TCF7L2: variants seen among roughly 807,000 people sequenced by gnomAD.
TCF7L2 encodes transcription factor 7-like 2.
Under a neutral mutation model 77.9 loss-of-function variants are expected in TCF7L2, and 23 were observed. The ratio of observed to expected loss-of-function variants is 0.30; its 90% CI spans 0.21 to 0.42. The LOEUF (loss-of-function observed/expected upper bound fraction) is 0.42. Among genes scored for constraint, TCF7L2 ranks in the 10% least tolerant of loss-of-function variants. The pLI is 1.00. For synonymous variants in TCF7L2, 413 were observed against 340.2 expected, an observed-to-expected ratio of 1.21 and a Z score of -2.36; for missense variants, 654 against 793.1, an observed-to-expected ratio of 0.82 and a Z score of 2.11.
rs1344558202 is a variant in TCF7L2, at chr10:113,152,368, C to T, written c.1197C>T (p.Tyr399=). The change falls in exon 11 of 14, where the codon TAC becomes TAT. Residue 399 remains tyrosine, a synonymous_variant. Transcript: ENST00000627217. ...TGTCCAGAGAAGAGCAAGCGAAATA[C>T]TACGAGCTGGCCCGGAAGGAGCGAC... The T allele has an allele frequency of 6.2e-7, 1 of 1,614,238 alleles. No individual in the cohort carries two copies. Among genetic ancestry groups the T allele is most frequent in the South Asian group, 1.1e-5 (1 of 91,090 alleles).
intron 5 of TCF7L2, among the ~76,000 whole-genome samples, chr10:113,109,687 G>T (rs1031818385): frequency 2.6e-5 from 4 of 152,182 alleles, no homozygotes; most frequent in Non-Finnish European, 5.9e-5. Context: ...CACTGTGCTG[G>T]CTGGGTGTGG....
At chr10:113,125,766 T>C (rs1029407723) in intron 5 of TCF7L2, 2 of 151,154 alleles carry the variant, frequency 1.3e-5, no homozygotes, top group Admixed American at 6.6e-5. Context: ...TTAAAGTCTA[T>C]AGCAAAAAGC....
chr10:112,993,313 C>T (rs1319531476), intron 4 of TCF7L2, among the ~76,000 whole-genome samples: 3 of 151,436 alleles, frequency 2.0e-5, no homozygotes, highest in Non-Finnish European at 4.4e-5. Context: ...TGAGGTCAGC[C>T]TGGCCAACAT....
chr10:113,051,956 G>A (rs147934399), intron 5 of TCF7L2, among the ~76,000 whole-genome samples: 61 of 152,036 alleles, frequency 4.0e-4, no homozygotes, highest in Non-Finnish European at 6.9e-4. Context: ...AGGAGGTGTC[G>A]CTTTAACCTG....
rs2136930895 is a variant in TCF7L2, at chr10:113,144,008, A to G, written c.771A>G (p.Leu257=). 1 of 1,613,178 alleles carries G rather than the reference A, an allele frequency of 6.2e-7. No individual in the cohort carries two copies. The highest frequency in any genetic ancestry group is 8.5e-7 in the Non-Finnish European group (1 of 1,179,134). The change falls in exon 7 of 14, where the codon CTA becomes CTG. Residue 257 remains leucine, a synonymous_variant. Coordinates refer to ENST00000627217, the MANE Select transcript of TCF7L2 (RefSeq NM_001146274.2). ...CCGTAGGACAAATCCCCCATCCGCT[A>G]GGATGGTTAGTACCACAGTAAGGAG...
intron 7 of TCF7L2, 71 bp downstream of exon 7, chr10:113,144,096 G>A (rs891236629): frequency 1.1e-6 from 1 of 877,592 alleles, no homozygotes; most frequent in East Asian, 4.5e-5. Context: ...TTCTGTGTGT[G>A]TGTCTGTGTG....
rs140370215 is a variant in TCF7L2, at chr10:113,132,520, T to A, written c.553-8664T>A. 2.2e-3 allele frequency among the ~76,000 whole-genome samples: 338 copies of A among 152,290 alleles called. 1 individual carries two copies. Among genetic ancestry groups the A allele is most frequent in the African/African-American group, 7.7e-3 (319 of 41,572 alleles). ...TCCATTATATTTAGGAATCCCTAGA[T>A]TTGGGGTTGTTGTATTTGGTGGCGA... On this transcript the variant is annotated intron_variant, in intron 5 of 13. Transcript: ENST00000627217.
At chr10:113,073,099 C>CGTGTGTGT (rs71489997) in intron 5 of TCF7L2, among the ~76,000 whole-genome samples, 3,249 of 103,874 alleles carry the variant, frequency 0.031, 104 homozygotes, top group African/African-American at 0.089. Flanking sequence ...AGGGCCAGGT[C>CGTGTGTGT]GTGTGTGTGT....
intron 5 of TCF7L2, among the ~76,000 whole-genome samples, chr10:113,070,283 A>ATATG (rs1555004205): frequency 2.1e-5 from 3 of 145,962 alleles, no homozygotes; most frequent in Non-Finnish European, 4.5e-5. Flanking sequence ...ATATATATAT[A>ATATG]TATATATGAA....
intron 5 of TCF7L2, among the ~76,000 whole-genome samples, chr10:113,122,787 A>T (rs2065001716): frequency 6.6e-6 from 1 of 152,192 alleles, no homozygotes; most frequent in South Asian, 2.1e-4. Context: ...TGGAAAGAAG[A>T]TGGGAAAGTG....
chr10:113,067,147 A>T (rs1335379674), intron 5 of TCF7L2, among the ~76,000 whole-genome samples: 1 of 152,238 alleles, frequency 6.6e-6, no homozygotes, highest in Non-Finnish European at 1.5e-5. Context: ...TCAACATAAT[A>T]GCCCATGGTT....
At position 113,076,026 on chromosome 10, in the gene TCF7L2, C is replaced by G. The variant is rs184344470; in HGVS notation, c.552+35900C>G. Among the ~76,000 whole-genome samples, 47 of 150,172 alleles carry G rather than the reference C, an allele frequency of 3.1e-4. No individual in the cohort carries two copies. In the East Asian group the frequency reaches 8.7e-3, roughly 28 times the overall value. ...TGGCACGTGCCTGTAATCCCAGCTACTGGGGAGGCTGAGGCAGGAGAATCA... is the reference window on the plus strand; with the variant it reads ...TGGCACGTGCCTGTAATCCCAGCTAGTGGGGAGGCTGAGGCAGGAGAATCA... On this transcript the variant is annotated intron_variant, in intron 5 of 13. Transcript: ENST00000627217.
intron 4 of TCF7L2, among the ~76,000 whole-genome samples, chr10:113,019,389 TG>T (rs977677969): frequency 6.6e-6 from 1 of 151,526 alleles, no homozygotes; most frequent in Non-Finnish European, 1.5e-5. Context: ...CTAATGGTTG[TG>T]GGGGGGTGGC....
chr10:113,157,512 G>A (rs927182859), intron 11 of TCF7L2, among the ~76,000 whole-genome samples: 1 of 152,206 alleles, frequency 6.6e-6, no homozygotes, highest in Non-Finnish European at 1.5e-5. Context: ...AGAAGCCTCT[G>A]CTAAAGCTTT....
chr10:113,038,312 C>T (rs2051731821), intron 4 of TCF7L2, among the ~76,000 whole-genome samples: 1 of 152,096 alleles, frequency 6.6e-6, no homozygotes, highest in Admixed American at 6.5e-5. Context: ...TGGCAAGATG[C>T]AGACACAACC....
chr10:112,953,504 G>T (rs959099165), intron 3 of TCF7L2, among the ~76,000 whole-genome samples: 1 of 152,038 alleles, frequency 6.6e-6, no homozygotes, highest in East Asian at 1.9e-4. Flanking sequence ...GAATCCCTGA[G>T]AATTTCTGCC....
intron 13 of TCF7L2, chr10:113,161,162 T>C (rs1406662161): frequency 4.3e-6 from 1 of 231,120 alleles, no homozygotes; most frequent in Non-Finnish European, 8.3e-6. Context: ...TTTTTTCTTT[T>C]TCCTTTTTGG....
At chr10:113,035,688 C>A (rs1304037143) in intron 4 of TCF7L2, among the ~76,000 whole-genome samples, 1 of 152,238 alleles carries the variant, frequency 6.6e-6, no homozygotes, top group Non-Finnish European at 1.5e-5. Context: ...TGAGCCGCTG[C>A]ATCCAGCACT....
intron 4 of TCF7L2, among the ~76,000 whole-genome samples, chr10:113,004,536 A>T (rs900518899): frequency 7.2e-5 from 11 of 152,092 alleles, no homozygotes; most frequent in African/African-American, 2.7e-4. Context: ...CTTTTCAAAA[A>T]TTTTACTTTT....
Sources: allele counts gnomAD v4.1 joint callset (sites outside exome capture counted in the v4.1 genomes callset), GRCh38; gene constraint gnomAD v4.1.1; transcripts MANE v1.5; gene names NCBI Gene and HGNC (gene_info 2026-07-23, HGNC 2026-07-21).